Variants in EPB41L3 observed in about 807,000 individuals in gnomAD.
EPB41L3 encodes erythrocyte membrane protein band 4.1 like 3, also known as band 4.1-like protein 3.
Under a neutral mutation model 127.1 loss-of-function variants are expected in EPB41L3, and 57 were observed. The ratio of observed to expected loss-of-function variants is 0.45; its 90% confidence interval spans 0.36 to 0.56. The LOEUF (loss-of-function observed/expected upper bound fraction) is 0.56, where lower values mean the gene tolerates loss of function less well. Among genes scored for constraint, EPB41L3 ranks in the 20% least tolerant of loss-of-function variants. EPB41L3 has a pLI of 0.00. For synonymous variants in EPB41L3, 572 were observed against 549.5 expected, an observed-to-expected ratio of 1.04 and a Z score of -0.57; for missense variants, 1,273 against 1,372.2, an observed-to-expected ratio of 0.93 and a Z score of 1.14.
intron 3 of EPB41L3, among the ~76,000 whole-genome samples, chr18:5,609,185 A>C (rs1599293798): frequency 6.6e-6 from 1 of 152,214 alleles, no homozygotes; most frequent in East Asian, 1.9e-4. Flanking sequence ...TGTAACTGAT[A>C]ATCAAGACAA....
intron 8 of EPB41L3, among the ~76,000 whole-genome samples, chr18:5,432,574 G>C (rs1220642280): frequency 6.6e-6 from 1 of 152,146 alleles, no homozygotes; most frequent in African/African-American, 2.4e-5. Context: ...TTTCATAAAA[G>C]CTTCCTTGTA....
intron 5 of EPB41L3, among the ~76,000 whole-genome samples, chr18:5,438,950 T>C (rs907775551): frequency 3.9e-5 from 6 of 152,230 alleles, no homozygotes; most frequent in African/African-American, 1.4e-4. Flanking sequence ...TCTAATTGTA[T>C]ATGGTTTATC....
chr18:5,549,658 G>A (rs2093935998), intron 3 of EPB41L3, among the ~76,000 whole-genome samples: 1 of 152,088 alleles, frequency 6.6e-6, no homozygotes, highest in Admixed American at 6.6e-5. Context: ...CAAATTTTGG[G>A]GTCCAGCCTT....
chr18:5,419,471 T>C (rs2077206820), intron 12 of EPB41L3, among the ~76,000 whole-genome samples: 1 of 152,268 alleles, frequency 6.6e-6, no homozygotes, highest in Non-Finnish European at 1.5e-5. Flanking sequence ...GGACAGCTAT[T>C]GAAAGTCTTA....
In EPB41L3 at chr18:5,398,021, C is replaced by T. The variant is rs749627056; in HGVS notation, c.2472G>A (p.Gln824=). 2.5e-6 allele frequency: 4 copies of T among 1,613,988 alleles called. No homozygotes were observed. The highest frequency in any genetic ancestry group is 3.4e-6 in the Non-Finnish European group (4 of 1,179,994). Residue 824 remains glutamine, a splice_region_variant and synonymous_variant, in exon 17 of 23, where the codon CAG becomes CAA. Coordinates refer to ENST00000341928, the MANE Select transcript of EPB41L3 (RefSeq NM_012307.5). ...GVTSTSQSWV[Q]KMETKTESSG... ...ACCAAGGACGAAAACAAATGGCCAC[C>T]TGAACCCAGCTTTGAGAAGTAGAAG...
chr18:5,445,353 G>C, intron 3 of EPB41L3, 109 bp from the exon 4 acceptor site: 1 of 852,704 alleles, frequency 1.2e-6, no homozygotes, highest in South Asian at 1.6e-5. Flanking sequence ...TGTAACTTTA[G>C]GGAGTGACCA....
At position 5,396,285 on chromosome 18, in the gene EPB41L3, C is replaced by T. The variant is rs375597366; in HGVS notation, c.2889G>A (p.Pro963=). The T allele has an allele frequency of 5.0e-5, 80 of 1,614,156 alleles. No individual in the cohort carries two copies. Among genetic ancestry groups the T allele is most frequent in the South Asian group, 4.7e-4 (43 of 91,084 alleles). The change falls in exon 19 of 23, where the codon CCG becomes CCA. Residue 963 remains proline, a synonymous_variant. Coordinates refer to ENST00000341928, the MANE Select transcript of EPB41L3 (RefSeq NM_012307.5). ...TGGAAATTTCTAGCTTTACTCCTCCCGGTGAAACACTGCCAAAACTGATGG... is the reference window on the plus strand; with the variant it reads ...TGGAAATTTCTAGCTTTACTCCTCCTGGTGAAACACTGCCAAAACTGATGG... The part of the protein sequence containing the change: ...TETISFGSVS[P]GGVKLEISTK...
chr18:5,502,071 G>C (rs946577544), intron 1 of EPB41L3, among the ~76,000 whole-genome samples: 1 of 151,296 alleles, frequency 6.6e-6, no homozygotes, highest in Non-Finnish European at 1.5e-5. Context: ...TCCTGCCTCT[G>C]AGGTGGCTCA....
At position 5,532,568 on chromosome 18, in the gene EPB41L3, C is replaced by T. The variant is rs1941005; in HGVS notation, c.-12+11345G>A. On this transcript the variant is annotated intron_variant, in intron 1 of 22. Coordinates refer to ENST00000341928, the MANE Select transcript of EPB41L3 (RefSeq NM_012307.5). ...GACAAATCTTAATTTCAAAGACATG[C>T]GTTTGACAACCAAGCAGCTGGGAAG... Among the ~76,000 whole-genome samples, 305 of 152,234 alleles carry T rather than the reference C, an allele frequency of 2.0e-3. 7 individuals carry two copies. In the East Asian group the frequency reaches 0.053, roughly 27 times the overall value.
chr18:5,505,208 T>C (rs947451915), intron 1 of EPB41L3, among the ~76,000 whole-genome samples: 7 of 152,136 alleles, frequency 4.6e-5, no homozygotes, highest in African/African-American at 1.7e-4. Flanking sequence ...AGTGAACACT[T>C]GAAGTTTCTC....
chr18:5,509,248 C>T (rs2092393757), intron 1 of EPB41L3, among the ~76,000 whole-genome samples: 1 of 152,182 alleles, frequency 6.6e-6, no homozygotes, highest in Admixed American at 6.5e-5. Context: ...CAGGACCTCA[C>T]CTGGCCCAAA....
chr18:5,486,307 A>G (rs1446788933), intron 2 of EPB41L3, among the ~76,000 whole-genome samples: 1 of 151,966 alleles, frequency 6.6e-6, no homozygotes, highest in East Asian at 1.9e-4. Context: ...TTAGACCCCT[A>G]TTTCTCACCA....
intron 10 of EPB41L3, 134 bp from the exon 11 acceptor site, chr18:5,423,687 C>G: frequency 1.3e-6 from 1 of 798,512 alleles, no homozygotes; most frequent in Non-Finnish European, 1.9e-6. Flanking sequence ...TTAAATAAAT[C>G]TGATTTCATA....
At chr18:5,436,995 T>C (rs567385914) in intron 6 of EPB41L3, among the ~76,000 whole-genome samples, 1 of 152,314 alleles carries the variant, frequency 6.6e-6, no homozygotes, top group East Asian at 1.9e-4. Flanking sequence ...CACAGAAAAT[T>C]CTGCATACAC....
At chr18:5,482,349 T>C (rs1294492449) in intron 2 of EPB41L3, among the ~76,000 whole-genome samples, 1 of 152,052 alleles carries the variant, frequency 6.6e-6, no homozygotes, top group Non-Finnish European at 1.5e-5. Flanking sequence ...ACAGAGTGCA[T>C]ACAAGGTACA....
At chr18:5,530,646 A>G (rs1598709145) in intron 1 of EPB41L3, among the ~76,000 whole-genome samples, 1 of 150,942 alleles carries the variant, frequency 6.6e-6, no homozygotes, top group Non-Finnish European at 1.5e-5. Flanking sequence ...CACCTCCGAC[A>G]CCCTCCTGTC....
intron 2 of EPB41L3, chr18:5,488,781 G>A: frequency 2.0e-6 from 1 of 491,190 alleles, no homozygotes. Flanking sequence ...ACTTCAGTGA[G>A]TTTCAGTGTT....
intron 1 of EPB41L3, among the ~76,000 whole-genome samples, chr18:5,535,024 C>A (rs2093527719): frequency 6.6e-6 from 1 of 152,116 alleles, no homozygotes; most frequent in African/African-American, 2.4e-5. Context: ...GTCAGCATTA[C>A]CACCTGATCT....
intron 3 of EPB41L3, among the ~76,000 whole-genome samples, chr18:5,554,555 A>G (rs1010000953): frequency 6.6e-6 from 1 of 152,146 alleles, no homozygotes; most frequent in Non-Finnish European, 1.5e-5. Context: ...CCATGGAACT[A>G]ATTTAGGCAG....
Sources: gnomAD v4.1 joint callset for allele counts (sites outside exome capture counted in the v4.1 genomes callset) on GRCh38, gnomAD v4.1.1 for gene constraint, MANE v1.5 for transcripts, NCBI Gene and HGNC (gene_info 2026-07-23, HGNC 2026-07-21) for gene names.